ZDHHC11: variants seen among roughly 807,000 people sequenced by gnomAD.
ZDHHC11 encodes the protein palmitoyltransferase ZDHHC11.
In ZDHHC11, 44 loss-of-function variants were observed where a neutral mutation model predicts 51.3. The ratio of observed to expected loss-of-function variants is 0.86; its 90% CI spans 0.67 to 1.10. ZDHHC11 has a LOEUF of 1.10. ZDHHC11 is among the 50% of genes least tolerant of loss of function. ZDHHC11 has a pLI of 0.00. For synonymous variants in ZDHHC11, 163 were observed against 222.0 expected (o/e 0.73, Z 2.36); for missense variants, 400 against 537.7 (o/e 0.74, Z 2.53).
intron 3 of ZDHHC11, among the ~76,000 whole-genome samples, chr5:847,086 C>T (rs1362323068): frequency 5.0e-5 from 7 of 139,880 alleles, no homozygotes; most frequent in African/African-American, 1.8e-4. Flanking sequence ...CAGGGAAACA[C>T]CTCTCATCTG....
chr5:802,972 G>A (rs1406584362), intron 11 of ZDHHC11, among the ~76,000 whole-genome samples: 1 of 147,824 alleles, frequency 6.8e-6, no homozygotes, highest in Non-Finnish European at 1.5e-5. Flanking sequence ...AGTGAGCAGA[G>A]ATTGTGCCAC....
intron 7 of ZDHHC11, among the ~76,000 whole-genome samples, chr5:825,491 G>C (rs1314666846): frequency 5.3e-5 from 8 of 152,218 alleles, no homozygotes; most frequent in African/African-American, 1.9e-4. Flanking sequence ...ACAATGCAAA[G>C]CAGTCCCTCC....
intron 3 of ZDHHC11, among the ~76,000 whole-genome samples, chr5:845,644 T>C (rs1579783509): frequency 6.6e-6 from 1 of 152,064 alleles, no homozygotes; most frequent in African/African-American, 2.4e-5. Context: ...GGCCTCCCCA[T>C]GGGGGCTCCG....
In ZDHHC11 at chr5:848,562, A is replaced by T; in HGVS notation, c.321T>A (p.Ser107=). The change falls in exon 2 of 13, where the codon TCT becomes TCA. Residue 107 remains serine, a synonymous_variant. Transcript: ENST00000283441. The stretch of plus-strand genomic sequence containing the variant: ...ATCTGTCGAAGAGGGGCATGGGCTG[A>T]GAATAGTTCTTCATGAGTCTGACAT... ...DSNVRLMKNY[S]QPMPLFDRSK... is the part of the protein sequence containing the mutation. The T allele has an allele frequency of 6.4e-7, 1 of 1,574,598 alleles. No individual in the cohort carries two copies. Among genetic ancestry groups the T allele is most frequent in the South Asian group, 1.1e-5 (1 of 87,236 alleles).
chr5:824,546 C>T (rs1742024184), intron 8 of ZDHHC11, among the ~76,000 whole-genome samples: 2 of 151,492 alleles, frequency 1.3e-5, no homozygotes, highest in Admixed American at 6.6e-5. Context: ...AGCCGGCAGC[C>T]GCGCTGGTCT....
rs761077971 is a variant in ZDHHC11, at chr5:850,416, A to G, written c.187T>C (p.Phe63Leu). The G allele has an allele frequency of 5.6e-6, 9 of 1,613,676 alleles. No homozygotes were observed. In the East Asian group the frequency reaches 8.9e-5, roughly 16 times the overall value. The change falls in exon 1 of 13, where the codon TTC becomes CTC. Residue 63 changes from phenylalanine to leucine, a missense_variant. By Grantham distance (22) the Phe-to-Leu change is conservative. Around this residue, in one of 5 missense-constraint regions of ZDHHC11, gnomAD observed 119 missense variants for 99.6 expected, o/e 1.20. Coordinates refer to ENST00000283441, the MANE Select transcript of ZDHHC11 (RefSeq NM_024786.3). ...SSATFGIFIP[F>L]LPHAWKYIAY... Reference sequence around the variant, plus strand: ...ATGTATTTCCACGCGTGAGGCAGGAAGGGAATGAAGATCCCGAAGGTGGCC... The same window carrying G: ...ATGTATTTCCACGCGTGAGGCAGGAGGGGAATGAAGATCCCGAAGGTGGCC...
At position 841,889 on chromosome 5, in the gene ZDHHC11, C is replaced by A. The variant is rs1179718744; in HGVS notation, c.629-1239G>T. On this transcript the variant is annotated intron_variant, in intron 4 of 12. Transcript: ENST00000283441. The stretch of plus-strand genomic sequence containing the variant: ...GCATGGATGTCTTTCGGTGACAGAC[C>A]CTCTCTGGAACTGGTGGCCTCGGGG... 18 of 989,586 alleles carry A rather than the reference C, an allele frequency of 1.8e-5. No homozygotes were observed. In the African/African-American group the frequency reaches 2.6e-4, roughly 14 times the overall value. The allele number at this position is 989,586 out of a possible 1,614,324, so 61.3% of individuals were successfully genotyped here.
At chr5:811,137 TA>T (rs1293602597) in intron 11 of ZDHHC11, among the ~76,000 whole-genome samples, 10 of 142,996 alleles carry the variant, frequency 7.0e-5, no homozygotes, top group East Asian at 2.0e-4. Flanking sequence ...ATAAAACATA[TA>T]TTTTTTTTCA....
rs536002260 is a variant in ZDHHC11 at position 796,134 on chromosome 5, C to T, written c.*454G>A. ...CCCCCATTTCCCAGTACTGTGCTCC[C>T]ATTTCCCAGTACTGTGCTCCCATTT... On this transcript the variant is annotated 3_prime_UTR_variant, in exon 13 of 13. Coordinates refer to ENST00000283441, the MANE Select transcript of ZDHHC11 (RefSeq NM_024786.3). 2.5e-5 allele frequency: 4 copies of T among 157,808 alleles called. No individual in the cohort carries two copies. The highest frequency in any genetic ancestry group is 9.6e-5 in the African/African-American group (4 of 41,712). 9.8% of individuals were successfully genotyped at this position (157,808 alleles called of 1,614,324 possible). A position where few individuals can be genotyped will look rare whatever the true frequency, so the allele number is the denominator to read the frequency against.
At chr5:809,996 G>A (rs943170642) in intron 11 of ZDHHC11, among the ~76,000 whole-genome samples, 2 of 27,044 alleles carry the variant, frequency 7.4e-5, no homozygotes, top group Non-Finnish European at 1.7e-4. Context: ...AAGCGCGGGA[G>A]GAAGGAAAGA....
chr5:807,714 T>C (rs1478684079), intron 11 of ZDHHC11, among the ~76,000 whole-genome samples: 2 of 152,164 alleles, frequency 1.3e-5, no homozygotes, highest in African/African-American at 4.8e-5. Context: ...TCCCATTTCC[T>C]TGTGAGGAAT....
intron 3 of ZDHHC11, among the ~76,000 whole-genome samples, 173 bp downstream of exon 3, chr5:847,341 A>G (rs1221130303): frequency 6.6e-6 from 1 of 151,754 alleles, no homozygotes; most frequent in Non-Finnish European, 1.5e-5. Context: ...ACAGCCCCAG[A>G]GCCAGACAGG....
rs186320786 is a variant in ZDHHC11 at position 848,794 on chromosome 5, G to A, written c.223-134C>T. On this transcript the variant is annotated intron_variant, in intron 1 of 12. Coordinates refer to ENST00000283441, the MANE Select transcript of ZDHHC11 (RefSeq NM_024786.3). ...ACCCAGCCCTGCACACGTGAGCCCA[G>A]CTCACCCAGGCCTGGCCCTGCTCAC... 4,433 of 1,327,858 alleles carry A rather than the reference G, an allele frequency of 3.3e-3. 48 individuals carry two copies. In the African/African-American group the frequency reaches 0.037, roughly 11 times the overall value. 82.3% of individuals were successfully genotyped at this position (1,327,858 alleles called of 1,614,324 possible). A position where few individuals can be genotyped will look rare whatever the true frequency, so the allele number is the denominator to read the frequency against.
upstream of ZDHHC11, among the ~76,000 whole-genome samples, chr5:851,958 A>G (rs1404201535): frequency 6.6e-6 from 1 of 152,006 alleles, no homozygotes; most frequent in Admixed American, 6.6e-5. Flanking sequence ...CGGGAGGCTG[A>G]GGCATGAGAA....
chr5:859,451 T>TAA (rs371612410), upstream of ZDHHC11, among the ~76,000 whole-genome samples: 19 of 150,382 alleles, frequency 1.3e-4, no homozygotes, highest in African/African-American at 4.4e-4. Flanking sequence ...AAGACAACCC[T>TAA]AAAAAAAAAC....
chr5:844,230 G>C (rs562450826), intron 3 of ZDHHC11, among the ~76,000 whole-genome samples: 85 of 152,394 alleles, frequency 5.6e-4, no homozygotes, highest in Non-Finnish European at 1.1e-3. Context: ...CCTCTCGCTG[G>C]AGAGGGGTGG....
At chr5:820,479 T>C (rs10040724) in intron 9 of ZDHHC11, among the ~76,000 whole-genome samples, 31,291 of 150,614 alleles carry the variant, frequency 0.21, 5,108 homozygotes, top group African/African-American at 0.42. Flanking sequence ...GAGTAAGGGA[T>C]GGTGACATTT....
At chr5:842,472 G>C (rs1463472844) in intron 4 of ZDHHC11, 1 of 985,338 alleles carries the variant, frequency 1.0e-6, no homozygotes, top group Non-Finnish European at 1.2e-6. Context: ...CGTGGAGCTG[G>C]CAAAGCTCAT....
intron 11 of ZDHHC11, among the ~76,000 whole-genome samples, chr5:806,831 C>G (rs1309606576): frequency 6.6e-6 from 1 of 151,204 alleles, no homozygotes; most frequent in East Asian, 1.9e-4. Flanking sequence ...CCAGTTCACA[C>G]TACTCGACTG....
Sources: allele counts gnomAD v4.1 joint callset (sites outside exome capture counted in the v4.1 genomes callset), GRCh38; gene constraint gnomAD v4.1.1; regional missense constraint gnomAD v4.1.1; transcripts MANE v1.5; gene names NCBI Gene and HGNC (gene_info 2026-07-23, HGNC 2026-07-21).